Variants in MID2 observed in about 807,000 individuals in gnomAD.
The protein encoded by MID2 is midline 2.
MID2 carries 13 observed loss-of-function variants against 46.1 expected under a neutral mutation model. That is an observed-to-expected ratio of 0.28 (90% CI 0.18 to 0.45). The LOEUF is 0.45. Among genes scored for constraint, MID2 ranks in the 20% least tolerant of loss-of-function variants. MID2 has a pLI of 1.00. For synonymous variants in MID2, 199 were observed against 212.3 expected, an observed-to-expected ratio of 0.94 and a Z score of 0.55; for missense variants, 431 against 575.4, an observed-to-expected ratio of 0.75 and a Z score of 2.57.
At chrX:107,910,073 C>G (rs963771234) in intron 5 of MID2, among the ~76,000 whole-genome samples, 1 of 111,788 alleles carries the variant, frequency 8.9e-6, no homozygotes, top group Non-Finnish European at 1.9e-5. Flanking sequence ...TGATTATATT[C>G]ACACTGCTGC....
chrX:107,848,094 T>C (rs998199941), intron 2 of MID2, among the ~76,000 whole-genome samples: 7 of 111,283 alleles, frequency 6.3e-5, no homozygotes, highest in African/African-American at 2.3e-4. Context: ...TCTGGAGAAA[T>C]AGACTTGGGA....
At chrX:107,855,568 T>C (rs1931722416) in intron 3 of MID2, among the ~76,000 whole-genome samples, 1 of 112,070 alleles carries the variant, frequency 8.9e-6, no homozygotes, top group Admixed American at 9.5e-5. Context: ...ATAGTCTGGT[T>C]CTAATCTTAC....
At chrX:107,904,351 A>G (rs755582710) in intron 4 of MID2, among the ~76,000 whole-genome samples, 1 of 111,953 alleles carries the variant, frequency 8.9e-6, no homozygotes, top group Non-Finnish European at 1.9e-5. Flanking sequence ...GTTGTATGTT[A>G]TAACTCAATG....
intron 3 of MID2, among the ~76,000 whole-genome samples, chrX:107,882,485 C>T (rs1376985239): frequency 3.6e-5 from 4 of 110,887 alleles, no homozygotes; most frequent in African/African-American, 1.3e-4. Context: ...CCAGAATCTA[C>T]AGTGAACTCA....
At chrX:107,844,686 TTCCCCTCTAC>T in intron 2 of MID2, among the ~76,000 whole-genome samples, 1 of 110,745 alleles carries the variant, frequency 9.0e-6, no homozygotes, top group Middle Eastern at 4.2e-3. Flanking sequence ...CCCATGTATT[TTCCCCTCTAC>T]TCCTCTAAAA....
chrX:107,877,053 G>A (rs1457903554), intron 3 of MID2, among the ~76,000 whole-genome samples: 1 of 111,547 alleles, frequency 9.0e-6, no homozygotes, highest in African/African-American at 3.3e-5. Flanking sequence ...GGTGTCTCTG[G>A]GGTTCATTTC....
At chrX:107,868,730 T>A (rs1007168731) in intron 3 of MID2, among the ~76,000 whole-genome samples, 3 of 111,156 alleles carry the variant, frequency 2.7e-5, no homozygotes, top group African/African-American at 9.8e-5. Flanking sequence ...TAGAGATCGC[T>A]GCTGTGGAGA....
chrX:107,869,928 C>T (rs1166483003), intron 3 of MID2, among the ~76,000 whole-genome samples: 1 of 111,038 alleles, frequency 9.0e-6, no homozygotes, highest in Non-Finnish European at 1.9e-5. Flanking sequence ...CTTTCTTTTG[C>T]CTCAGCTAAA....
chrX:107,828,310 C>CTTTTTTTTTTT (rs766362742), intron 1 of MID2, among the ~76,000 whole-genome samples: 4 of 83,014 alleles, frequency 4.8e-5, no homozygotes, highest in Admixed American at 1.3e-4. Flanking sequence ...TCTTTCTTTT[C>CTTTTTTTTTTT]TTTTTTTTTT....
chrX:107,919,862 T>C (rs189111092), intron 7 of MID2, among the ~76,000 whole-genome samples: 190 of 112,342 alleles, frequency 1.7e-3, no homozygotes, highest in South Asian at 5.9e-3. Context: ...TCTTATACAA[T>C]TGAATGTCTA....
At chrX:107,902,635 A>G (rs944411089) in intron 3 of MID2, among the ~76,000 whole-genome samples, 2 of 111,887 alleles carry the variant, frequency 1.8e-5, no homozygotes, top group African/African-American at 6.5e-5. Context: ...GAAACAGAAA[A>G]TTAGCCATCA....
chrX:107,899,218 C>T (rs1733636194), intron 3 of MID2, among the ~76,000 whole-genome samples: 1 of 87,558 alleles, frequency 1.1e-5, no homozygotes. Context: ...CAAATAAGCT[C>T]TCTGAAAGAA....
At chrX:107,855,960 G>C (rs1006569334) in intron 3 of MID2, among the ~76,000 whole-genome samples, 23 of 111,931 alleles carry the variant, frequency 2.1e-4, no homozygotes, top group African/African-American at 6.5e-4. Context: ...GAGCACTAGA[G>C]TGTGATTTGG....
intron 3 of MID2, among the ~76,000 whole-genome samples, chrX:107,862,450 G>A (rs931758112): frequency 1.8e-5 from 2 of 111,903 alleles, no homozygotes; most frequent in Non-Finnish European, 3.8e-5. Context: ...TGGGTACCTT[G>A]GCCATGTGAC....
At chrX:107,841,775 A>T (rs188786990) in intron 2 of MID2, among the ~76,000 whole-genome samples, 1 of 112,456 alleles carries the variant, frequency 8.9e-6, no homozygotes, top group Non-Finnish European at 1.9e-5. Flanking sequence ...GTCGATTTGC[A>T]TATGTAGGTA....
intron 1 of MID2, among the ~76,000 whole-genome samples, chrX:107,828,222 A>G (rs2043751963): frequency 9.0e-6 from 1 of 110,838 alleles, no homozygotes; most frequent in Non-Finnish European, 1.9e-5. Context: ...TCCTCCCTAG[A>G]AGCAGATGCT....
chrX:107,870,267 A>G (rs762405313), intron 3 of MID2, among the ~76,000 whole-genome samples: 3 of 110,617 alleles, frequency 2.7e-5, no homozygotes, highest in Non-Finnish European at 3.8e-5. Context: ...ACTGAAATCA[A>G]TCTATAGCCT....
chrX:107,867,404 G>A (rs759277734), intron 3 of MID2, among the ~76,000 whole-genome samples: 16 of 107,539 alleles, frequency 1.5e-4, no homozygotes, highest in Non-Finnish European at 2.9e-4. Flanking sequence ...CTTGTGATCC[G>A]CCCACCTCGG....
In MID2 at chrX:107,916,031, T is replaced by A; in HGVS notation, c.1103T>A (p.Val368Asp). 1.7e-6 allele frequency: 2 copies of A among 1,204,829 alleles called. No homozygotes were observed. Among genetic ancestry groups the A allele is most frequent in the Non-Finnish European group, 2.2e-6 (2 of 892,607 alleles). ...RVAMATASSQ[V>D]LIPDINFNDA... Reference sequence around the variant, plus strand: ...GCTATGGCAACTGCATCTTCTCAAGTTCTGATTCCAGACATCAATTTTAAT... The same window carrying A: ...GCTATGGCAACTGCATCTTCTCAAGATCTGATTCCAGACATCAATTTTAAT... The change falls in exon 6 of 10, where the codon GTT becomes GAT. Residue 368 changes from valine (V) to aspartate (D), a missense_variant. Val to Asp is a radical substitution (Grantham distance 152). Transcript: ENST00000262843.
Sources: allele counts gnomAD v4.1 joint callset (sites outside exome capture counted in the v4.1 genomes callset), GRCh38; gene constraint gnomAD v4.1.1; transcripts MANE v1.5; gene names NCBI Gene and HGNC (gene_info 2026-07-23, HGNC 2026-07-21).